The following DCC variants were observed in gnomAD, a reference collection of about 807,000 sequenced individuals.
The protein encoded by DCC is DCC netrin 1 receptor, also known as netrin receptor DCC.
In DCC, 58 loss-of-function variants were observed where a neutral mutation model predicts 172.5. The ratio of observed to expected loss-of-function variants is 0.34; its 90% CI spans 0.27 to 0.42. DCC has a LOEUF of 0.42. Among genes scored for constraint, DCC ranks in the 10% least tolerant of loss-of-function variants. The pLI is 1.00. For synonymous variants in DCC, 709 were observed against 644.5 expected, an observed-to-expected ratio of 1.10 and a Z score of -1.52; for missense variants, 1,740 against 1,791.0, an observed-to-expected ratio of 0.97 and a Z score of 0.51.
intron 1 of DCC, among the ~76,000 whole-genome samples, chr18:52,507,758 A>C (rs1032597600): frequency 2.0e-5 from 3 of 152,158 alleles, no homozygotes; most frequent in African/African-American, 7.2e-5. Context: ...TTTTGGTATC[A>C]AACCGTTTTT....
chr18:52,369,257 G>GTT (rs35706080), intron 1 of DCC, among the ~76,000 whole-genome samples: 6 of 150,894 alleles, frequency 4.0e-5, no homozygotes, highest in South Asian at 2.1e-4. Context: ...TTCTTTGTGG[G>GTT]TTTTTTTTTC....
chr18:53,397,595 C>T, intron 18 of DCC, 149 bp downstream of exon 18: 1 of 834,886 alleles, frequency 1.2e-6, no homozygotes, highest in Non-Finnish European at 1.9e-6. Context: ...ACTTTTATAT[C>T]TAAGAGTATT....
intron 5 of DCC, among the ~76,000 whole-genome samples, chr18:52,972,908 T>A (rs2041052777): frequency 1.3e-5 from 2 of 152,186 alleles, no homozygotes; most frequent in Non-Finnish European, 2.9e-5. Context: ...ATGCATGATT[T>A]TTATGGGGGT....
At chr18:52,976,155 T>C (rs2041113736) in intron 5 of DCC, among the ~76,000 whole-genome samples, 2 of 152,198 alleles carry the variant, frequency 1.3e-5, no homozygotes, top group Non-Finnish European at 2.9e-5. Flanking sequence ...GTATATCTTC[T>C]TTTGAAAAGT....
At chr18:53,332,448 T>TA (rs2144850875) in intron 14 of DCC, among the ~76,000 whole-genome samples, 1 of 152,112 alleles carries the variant, frequency 6.6e-6, no homozygotes, top group East Asian at 1.9e-4. Flanking sequence ...TAGCTAAGAG[T>TA]ACAAACTATA....
At chr18:53,158,297 A>C (rs532181723) in intron 8 of DCC, among the ~76,000 whole-genome samples, 1 of 152,240 alleles carries the variant, frequency 6.6e-6, no homozygotes, top group South Asian at 2.1e-4. Flanking sequence ...AGCTGTACAT[A>C]TCTGGTTTCA....
At chr18:52,581,359 A>G (rs1456193425) in intron 1 of DCC, among the ~76,000 whole-genome samples, 2 of 152,202 alleles carry the variant, frequency 1.3e-5, no homozygotes, top group Non-Finnish European at 2.9e-5. Flanking sequence ...TACCCAAGCC[A>G]TGATATTGCT....
intron 1 of DCC, among the ~76,000 whole-genome samples, chr18:52,562,781 T>A (rs894542892): frequency 6.6e-6 from 1 of 152,112 alleles, no homozygotes; most frequent in African/African-American, 2.4e-5. Context: ...AATCATTTTC[T>A]TTATTTTTTT....
chr18:53,451,242 T>C (rs1197587252), intron 23 of DCC, among the ~76,000 whole-genome samples: 2 of 152,204 alleles, frequency 1.3e-5, no homozygotes, highest in African/African-American at 2.4e-5. Context: ...ATTAAAAGTG[T>C]TGAGGGCTTT....
At chr18:53,082,237 TAAATC>T (rs1286481066) in intron 7 of DCC, among the ~76,000 whole-genome samples, 2 of 152,088 alleles carry the variant, frequency 1.3e-5, no homozygotes, top group African/African-American at 4.8e-5. Flanking sequence ...ATATAATAAA[TAAATC>T]CACATTTGGA....
At chr18:53,331,293 T>C (rs17503448) in intron 14 of DCC, among the ~76,000 whole-genome samples, 45,366 of 152,068 alleles carry the variant, frequency 0.3, 8,657 homozygotes, top group Non-Finnish European at 0.44. Flanking sequence ...TCAAGGAAAA[T>C]GAGCCTAAAG....
chr18:53,072,486 C>A (rs774278404), intron 7 of DCC, among the ~76,000 whole-genome samples: 1 of 152,058 alleles, frequency 6.6e-6, no homozygotes, highest in African/African-American at 2.4e-5. Context: ...GTGTCTGCAG[C>A]GGAAGGTTGT....
chr18:53,442,119 T>C (rs1489828129), intron 22 of DCC, among the ~76,000 whole-genome samples: 1 of 152,180 alleles, frequency 6.6e-6, no homozygotes, highest in Non-Finnish European at 1.5e-5. Context: ...CATGAATCTT[T>C]CTACTTTTCT....
chr18:53,203,897 G>A (rs114056284), intron 9 of DCC, among the ~76,000 whole-genome samples: 323 of 152,194 alleles, frequency 2.1e-3, no homozygotes, highest in African/African-American at 6.7e-3. Context: ...GCTATATACA[G>A]GTCCATATGC....
chr18:53,012,320 T>C (rs953419955), intron 5 of DCC, among the ~76,000 whole-genome samples: 7 of 152,014 alleles, frequency 4.6e-5, no homozygotes, highest in Admixed American at 1.3e-4. Flanking sequence ...ACAATTTTGA[T>C]GAGTCAAAAA....
intron 1 of DCC, among the ~76,000 whole-genome samples, chr18:52,513,954 G>T (rs552222997): frequency 1.3e-5 from 2 of 152,200 alleles, no homozygotes; most frequent in South Asian, 4.1e-4. Flanking sequence ...ACAGTCTATA[G>T]GTATCATCTG....
At chr18:53,407,287 C>CAGT (rs1394873834) in intron 19 of DCC, among the ~76,000 whole-genome samples, 1 of 151,608 alleles carries the variant, frequency 6.6e-6, no homozygotes, top group Non-Finnish European at 1.5e-5. Flanking sequence ...TATGTACTTA[C>CAGT]AGGCTAAAGG....
chr18:53,453,405 A>G lies in DCC; in HGVS notation c.3392+2743A>G, dbSNP rs137968678. ...AATGTAATTAATAAGTTGAAGTAGA[A>G]AACGCATTCACGAGCTTCTTCAATA... On this transcript the variant is annotated intron_variant, in intron 23 of 28. Coordinates refer to ENST00000442544, the MANE Select transcript of DCC (RefSeq NM_005215.4). Among the ~76,000 whole-genome samples the G allele has an allele frequency of 5.3e-3, 802 of 152,284 alleles. 10 individuals carry two copies. The highest frequency in any genetic ancestry group is 0.018 in the African/African-American group (755 of 41,558).
intron 21 of DCC, among the ~76,000 whole-genome samples, chr18:53,419,650 T>G (rs62098263): frequency 0.43 from 65,553 of 151,912 alleles, 15,950 homozygotes; most frequent in Non-Finnish European, 0.56. Flanking sequence ...GTCACTGTTT[T>G]AAAAGCTTTA....
Sources: gnomAD v4.1 joint callset for allele counts (sites outside exome capture counted in the v4.1 genomes callset) on GRCh38, gnomAD v4.1.1 for gene constraint, MANE v1.5 for transcripts, NCBI Gene and HGNC (gene_info 2026-07-23, HGNC 2026-07-21) for gene names.